NIPBL: variants seen among roughly 807,000 people sequenced by gnomAD.
NIPBL encodes NIPBL cohesin loading factor, also known as nipped-B-like protein.
A neutral mutation model predicts 321.8 loss-of-function variants in NIPBL; 19 were observed. The ratio of observed to expected loss-of-function variants is 0.06; its 90% confidence interval spans 0.04 to 0.09. The LOEUF is 0.09. NIPBL is among the 10% of genes least tolerant of loss of function. The pLI is 1.00. For synonymous variants in NIPBL, 1,106 were observed against 1,114.1 expected, an observed-to-expected ratio of 0.99 and a Z score of 0.14; for missense variants, 2,210 against 3,327.0, an observed-to-expected ratio of 0.66 and a Z score of 8.26.
At chr5:36,905,430 G>A (rs1747557073) in intron 1 of NIPBL, among the ~76,000 whole-genome samples, 1 of 152,150 alleles carries the variant, frequency 6.6e-6, no homozygotes, top group African/African-American at 2.4e-5. Flanking sequence ...ATCATAATCG[G>A]TGTTTTGAAT....
At chr5:37,061,120 T>TA (rs1183704786) in intron 45 of NIPBL, 102 bp downstream of exon 45, 1 of 821,960 alleles carries the variant, frequency 1.2e-6, no homozygotes, top group African/African-American at 1.7e-5. Context: ...ACATTGAATA[T>TA]AAGCTTCATG....
chr5:36,911,268 T>G (rs1255184490), intron 1 of NIPBL, among the ~76,000 whole-genome samples: 1 of 152,220 alleles, frequency 6.6e-6, no homozygotes, highest in Non-Finnish European at 1.5e-5. Context: ...AGAATCAGTT[T>G]TAATGAGTCA....
At chr5:36,949,368 A>T (rs1335224833) in intron 1 of NIPBL, among the ~76,000 whole-genome samples, 2 of 151,842 alleles carry the variant, frequency 1.3e-5, no homozygotes, top group Non-Finnish European at 3.0e-5. Context: ...TGTTAGTTTA[A>T]GTGTCCATGT....
intron 1 of NIPBL, among the ~76,000 whole-genome samples, chr5:36,936,105 T>C (rs908655959): frequency 6.6e-6 from 1 of 152,194 alleles, no homozygotes; most frequent in Non-Finnish European, 1.5e-5. Flanking sequence ...TGCATAGTTA[T>C]AGTCCTGTCA....
intron 45 of NIPBL, 70 bp from the exon 46 acceptor site, chr5:37,063,720 C>T: frequency 1.2e-5 from 17 of 1,477,200 alleles, no homozygotes; most frequent in Non-Finnish European, 1.6e-5. Flanking sequence ...CCATAGAAAA[C>T]ATTTAGGAAT....
intron 6 of NIPBL, among the ~76,000 whole-genome samples, chr5:36,969,196 G>A (rs534306554): frequency 6.6e-6 from 1 of 152,246 alleles, no homozygotes; most frequent in Non-Finnish European, 1.5e-5. Flanking sequence ...TCATGGATAG[G>A]AAGACTCAAT....
chr5:36,894,036 A>G (rs1358526342), intron 1 of NIPBL, among the ~76,000 whole-genome samples: 1 of 152,182 alleles, frequency 6.6e-6, no homozygotes, highest in African/African-American at 2.4e-5. Context: ...GAAACACACT[A>G]CTTAAAAATA....
At chr5:36,917,349 T>C (rs1459154929) in intron 1 of NIPBL, among the ~76,000 whole-genome samples, 1 of 152,214 alleles carries the variant, frequency 6.6e-6, no homozygotes, top group Admixed American at 6.5e-5. Context: ...GTTTTTTTCT[T>C]GTAAGTTTGT....
intron 1 of NIPBL, among the ~76,000 whole-genome samples, chr5:36,948,307 C>T (rs1322963951): frequency 1.3e-5 from 2 of 151,806 alleles, no homozygotes; most frequent in African/African-American, 4.8e-5. Context: ...TGTTGGGTGC[C>T]ACTTATAACT....
At chr5:36,905,032 A>AG (rs1747522863) in intron 1 of NIPBL, among the ~76,000 whole-genome samples, 1 of 152,208 alleles carries the variant, frequency 6.6e-6, no homozygotes, top group Non-Finnish European at 1.5e-5. Context: ...TGAGAATTCC[A>AG]GTGATGCAAA....
chr5:36,949,828 T>C (rs182323199), intron 1 of NIPBL, among the ~76,000 whole-genome samples: 15 of 152,120 alleles, frequency 9.9e-5, no homozygotes, highest in African/African-American at 3.4e-4. Flanking sequence ...GCACTTCTTT[T>C]GTTTGCTTGA....
At chr5:36,937,945 A>T (rs1352692301) in intron 1 of NIPBL, among the ~76,000 whole-genome samples, 1 of 152,158 alleles carries the variant, frequency 6.6e-6, no homozygotes, top group African/African-American at 2.4e-5. Flanking sequence ...CTTATTAAAT[A>T]CCAGCTCCCA....
At position 36,985,308 on chromosome 5, in the gene NIPBL, C is replaced by T. The variant is rs774516564; in HGVS notation, c.2128C>T (p.Arg710Trp). 5.6e-6 allele frequency: 9 copies of T among 1,613,442 alleles called. No individual in the cohort carries two copies. The highest frequency in any genetic ancestry group is 5.0e-5 in the Admixed American group (3 of 59,806). ...PETPKQKGESRPETPKQKSDG... is the reference protein window; with the variant it reads ...PETPKQKGESWPETPKQKSDG... The stretch of plus-strand genomic sequence containing the variant: ...AACCCCAAAGCAAAAGGGTGAAAGC[C>T]GGCCTGAGACTCCAAAACAAAAGAG... The change falls in exon 10 of 47, where the codon CGG becomes TGG. Residue 710 changes from arginine (R) to tryptophan (W), a missense_variant. Around this residue, in one of 14 missense-constraint regions of NIPBL, gnomAD observed 588 missense variants for 564.1 expected, o/e 1.04. Transcript: ENST00000282516.
Position 37,060,994 on chromosome 5 carries a change from G to A in NIPBL, c.7836G>A (p.Arg2612=), listed in dbSNP as rs1172306490. Residue 2612 remains arginine (R), a synonymous_variant, in exon 45 of 47, where the codon AGG becomes AGA. Transcript: ENST00000282516. The part of the protein sequence containing the change: ...ANSKITEEVK[R]SIVKQYLDFK... ...CCAAAATCACAGAAGAGGTGAAAAG[G>A]AGTATAGTAAAACAGTATCTAGATG... 6.2e-7 allele frequency: 1 copy of A among 1,613,968 alleles called. No homozygotes were observed. The highest frequency in any genetic ancestry group is 1.3e-5 in the African/African-American group (1 of 74,916).
intron 1 of NIPBL, among the ~76,000 whole-genome samples, chr5:36,944,942 C>G (rs1025527016): frequency 6.6e-6 from 1 of 152,054 alleles, no homozygotes; most frequent in Non-Finnish European, 1.5e-5. Flanking sequence ...AAACCTAAAC[C>G]TCATTTGGAA....
intron 1 of NIPBL, among the ~76,000 whole-genome samples, chr5:36,878,778 A>G (rs1404129768): frequency 1.3e-5 from 2 of 152,354 alleles, no homozygotes; most frequent in African/African-American, 2.4e-5. Context: ...TTTTAATGCT[A>G]TAAATCCGTG....
At chr5:36,918,249 A>C (rs1408577078) in intron 1 of NIPBL, among the ~76,000 whole-genome samples, 1 of 151,988 alleles carries the variant, frequency 6.6e-6, no homozygotes, top group Non-Finnish European at 1.5e-5. Flanking sequence ...CATCCCTTTT[A>C]AGTTGGATTC....
Position 36,953,738 on chromosome 5 carries a change from G to C in NIPBL, c.42G>C (p.Ala14=), listed in dbSNP as rs727504045. The stretch of plus-strand genomic sequence containing the variant: ...CCCATGTCCCCATTACTACTCTTGC[G>C]GGGATTGCTAGTCTCACAGACCGTA... ...DMPHVPITTL[A]GIASLTDLLN... The change falls in exon 2 of 47, where the codon GCG becomes GCC. Residue 14 remains alanine, a synonymous_variant. Coordinates refer to ENST00000282516, the MANE Select transcript of NIPBL (RefSeq NM_133433.4). 2.5e-6 allele frequency: 4 copies of C among 1,613,688 alleles called. No individual in the cohort carries two copies. The highest frequency in any genetic ancestry group is 1.7e-4 in the Middle Eastern group (1 of 6,058).
At chr5:36,995,967 A>G (rs1746099178) in intron 11 of NIPBL, among the ~76,000 whole-genome samples, 163 bp downstream of exon 11, 1 of 152,186 alleles carries the variant, frequency 6.6e-6, no homozygotes, top group Admixed American at 6.6e-5. Context: ...TGCGTGAAAG[A>G]TGAGATCAGT....
Sources: gnomAD v4.1 joint callset for allele counts (sites outside exome capture counted in the v4.1 genomes callset) on GRCh38, gnomAD v4.1.1 for gene constraint, gnomAD v4.1.1 regional missense constraint, MANE v1.5 for transcripts, NCBI Gene and HGNC (gene_info 2026-07-23, HGNC 2026-07-21) for gene names.